Variants in DPP6 observed in about 807,000 individuals in gnomAD.
DPP6 encodes the protein A-type potassium channel modulatory protein DPP6.
DPP6 carries 69 observed loss-of-function variants against 122.6 expected under a neutral mutation model. The ratio of observed to expected loss-of-function variants is 0.56; its 90% CI spans 0.46 to 0.69. DPP6 has a LOEUF of 0.69. Among genes scored for constraint, DPP6 ranks in the 30% least tolerant of loss-of-function variants. DPP6 has a pLI of 0.00. For synonymous variants in DPP6, 418 were observed against 433.1 expected (o/e 0.97, Z 0.43); for missense variants, 928 against 1,116.9 (o/e 0.83, Z 2.41).
chr7:154,210,882 A>G (rs988703303), intron 1 of DPP6, among the ~76,000 whole-genome samples: 1 of 152,136 alleles, frequency 6.6e-6, no homozygotes, highest in Non-Finnish European at 1.5e-5. Context: ...GTTAGATGCC[A>G]GGGACAGTGC....
chr7:154,059,681 C>T (rs55849715), intron 1 of DPP6: 3 of 144,442 alleles, frequency 2.1e-5, no homozygotes, highest in Non-Finnish European at 4.6e-5. Context: ...TCATGAGTTA[C>T]AAGAAAATCT....
At chr7:153,784,374 T>A in the DPP6 span, among the ~76,000 whole-genome samples, 12 of 152,224 alleles carry the variant, frequency 7.9e-5, no homozygotes. Context: ...AAGAATATTA[T>A]TTTTTAACTT....
chr7:153,863,995 G>A, the DPP6 span, among the ~76,000 whole-genome samples: 1 of 152,116 alleles, frequency 6.6e-6, no homozygotes, highest in Non-Finnish European at 1.5e-5. Context: ...GGTCATTTGG[G>A]CTACTTACCC....
At chr7:154,675,894 T>C (rs1838866858) in intron 7 of DPP6, among the ~76,000 whole-genome samples, 1 of 152,214 alleles carries the variant, frequency 6.6e-6, no homozygotes, top group Non-Finnish European at 1.5e-5. Context: ...CCAAGATCCT[T>C]AGATCCTCAA....
chr7:154,516,708 A>G (rs1000373906), intron 3 of DPP6, among the ~76,000 whole-genome samples: 3 of 152,242 alleles, frequency 2.0e-5, no homozygotes, highest in Non-Finnish European at 4.4e-5. Context: ...GAAAATATTT[A>G]TTTGCTTATG....
intron 7 of DPP6, among the ~76,000 whole-genome samples, chr7:154,699,333 T>C (rs1840388429): frequency 6.6e-6 from 1 of 152,224 alleles, no homozygotes; most frequent in Non-Finnish European, 1.5e-5. Context: ...ATTCACTTCT[T>C]TGCAGTCAGA....
chr7:154,372,244 A>C (rs545555837), intron 1 of DPP6, among the ~76,000 whole-genome samples: 32 of 152,318 alleles, frequency 2.1e-4, no homozygotes, highest in African/African-American at 7.5e-4. Flanking sequence ...ATGGCTATGC[A>C]TGAAGCGTAA....
At chr7:154,225,838 A>G (rs989748163) in intron 1 of DPP6, among the ~76,000 whole-genome samples, 1 of 152,186 alleles carries the variant, frequency 6.6e-6, no homozygotes, top group Non-Finnish European at 1.5e-5. Flanking sequence ...CCCATCTACC[A>G]ATACACTAGT....
intron 1 of DPP6, among the ~76,000 whole-genome samples, chr7:153,956,029 A>C (rs1305602164): frequency 2.6e-5 from 4 of 152,220 alleles, no homozygotes; most frequent in African/African-American, 9.6e-5. Context: ...ATGGATGTTC[A>C]GTACCGCCCC....
chr7:153,975,377 A>G (rs1796246906), intron 1 of DPP6, among the ~76,000 whole-genome samples: 1 of 148,328 alleles, frequency 6.7e-6, no homozygotes, highest in Admixed American at 6.7e-5. Context: ...AAGCCTACAA[A>G]GATTTTCTAG....
intron 3 of DPP6, among the ~76,000 whole-genome samples, chr7:154,500,277 T>TA (rs1825119565): frequency 6.6e-6 from 1 of 152,194 alleles, no homozygotes; most frequent in African/African-American, 2.4e-5. Context: ...GTGACCATTC[T>TA]AAAAAACATT....
At chr7:154,137,074 C>T (rs536090951) in intron 1 of DPP6, among the ~76,000 whole-genome samples, 54 of 152,268 alleles carry the variant, frequency 3.5e-4, no homozygotes, top group Non-Finnish European at 6.5e-4. Flanking sequence ...TGAAGCCCTT[C>T]CCTATACCTT....
chr7:154,506,650 A>G (rs1216590028), intron 3 of DPP6, among the ~76,000 whole-genome samples: 1 of 152,114 alleles, frequency 6.6e-6, no homozygotes, highest in African/African-American at 2.4e-5. Flanking sequence ...CAACTTCTTC[A>G]TTCTTTCATG....
At chr7:154,537,639 G>C (rs748300126) in intron 3 of DPP6, among the ~76,000 whole-genome samples, 1 of 151,578 alleles carries the variant, frequency 6.6e-6, no homozygotes, top group Admixed American at 6.6e-5. Context: ...GCAGTGAGCC[G>C]AGATCATGCC....
chr7:154,584,098 C>T lies in DPP6; in HGVS notation c.627+17182C>T, dbSNP rs552034004. On this transcript the variant is annotated intron_variant, in intron 5 of 25. Coordinates refer to ENST00000377770, the MANE Select transcript of DPP6 (RefSeq NM_130797.4). ...CAGGGCCTCTTTGCCTCAGCCTCCCCGCCCCACACTTCTTCAATCTGTGCT... is the reference window on the plus strand; with the variant it reads ...CAGGGCCTCTTTGCCTCAGCCTCCCTGCCCCACACTTCTTCAATCTGTGCT... 7.9e-5 allele frequency among the ~76,000 whole-genome samples: 12 copies of T among 152,296 alleles called. No individual in the cohort carries two copies. In the East Asian group the frequency reaches 1.7e-3, roughly 22 times the overall value.
chr7:154,103,075 C>T (rs1437310832), intron 1 of DPP6, among the ~76,000 whole-genome samples: 1 of 152,092 alleles, frequency 6.6e-6, no homozygotes, highest in Non-Finnish European at 1.5e-5. Context: ...TAATTACTGT[C>T]CCCAATGAGT....
intron 10 of DPP6, among the ~76,000 whole-genome samples, chr7:154,788,526 A>C (rs1013643913): frequency 3.7e-4 from 57 of 152,272 alleles, no homozygotes; most frequent in African/African-American, 1.3e-3. Context: ...ATTAAACATT[A>C]AGTATTAGCA....
chr7:154,485,805 T>A lies in DPP6; in HGVS notation c.457+10768T>A, dbSNP rs77373455. ...CCCATGGAGGCAGGAATTTTTTTTT[T>A]ATTATACTTTAACTTTTAGGGTACA... On this transcript the variant is annotated intron_variant, in intron 3 of 25. Transcript: ENST00000377770. Among the ~76,000 whole-genome samples, 238 of 152,284 alleles carry A rather than the reference T, an allele frequency of 1.6e-3. 3 individuals carry two copies. Among genetic ancestry groups the A allele is most frequent in the Admixed American group, 4.8e-3 (73 of 15,298 alleles).
chr7:154,366,320 A>G (rs1336388319), intron 1 of DPP6, among the ~76,000 whole-genome samples: 1 of 152,294 alleles, frequency 6.6e-6, no homozygotes, highest in African/African-American at 2.4e-5. Flanking sequence ...AAAAGCGGGG[A>G]AAAAGATTCC....
Sources: allele counts gnomAD v4.1 joint callset (sites outside exome capture counted in the v4.1 genomes callset), GRCh38; gene constraint gnomAD v4.1.1; transcripts MANE v1.5; gene names NCBI Gene and HGNC (gene_info 2026-07-23, HGNC 2026-07-21).